UGGT1: variants seen among roughly 807,000 people sequenced by gnomAD.
UGGT1 encodes the protein UDP-glucose:glycoprotein glucosyltransferase 1.
In UGGT1, 107 loss-of-function variants were observed where a neutral mutation model predicts 203.9. The observed-to-expected ratio is 0.52, with a 90% CI of 0.45 to 0.62. The LOEUF (loss-of-function observed/expected upper bound fraction) is 0.62, where lower values mean the gene tolerates loss of function less well. Ranked by LOEUF, UGGT1 falls within the 20% of genes least tolerant of loss-of-function variation. The probability of loss-of-function intolerance (pLI) is 0.00; values close to 1 mark genes in which losing one functional copy is unlikely to be tolerated. For synonymous variants in UGGT1, 628 were observed against 653.5 expected (o/e 0.96, Z 0.59); for missense variants, 1,673 against 1,867.2 (o/e 0.90, Z 1.92).
chr2:128,173,362 C>G (rs192447437), intron 29 of UGGT1, among the ~76,000 whole-genome samples: 2 of 152,150 alleles, frequency 1.3e-5, no homozygotes, highest in Admixed American at 6.5e-5. Flanking sequence ...TCTACTGATA[C>G]GTGAGTACAG....
intron 22 of UGGT1, among the ~76,000 whole-genome samples, chr2:128,158,698 A>G (rs1259664470): frequency 6.6e-6 from 1 of 152,190 alleles, no homozygotes; most frequent in African/African-American, 2.4e-5. Flanking sequence ...ACCCAAATAT[A>G]AATGTCTGTT....
At chr2:128,163,376 T>G (rs1339045453) in intron 25 of UGGT1, among the ~76,000 whole-genome samples, 12 of 149,928 alleles carry the variant, frequency 8.0e-5, no homozygotes, top group African/African-American at 2.9e-4. Context: ...TTGGAGTGTT[T>G]TTTTTTTTTT....
At chr2:128,176,637 A>T (rs1691409190) in intron 31 of UGGT1, among the ~76,000 whole-genome samples, 177 bp from the exon 32 acceptor site, 1 of 152,156 alleles carries the variant, frequency 6.6e-6, no homozygotes, top group Non-Finnish European at 1.5e-5. Context: ...TGCACCTTAT[A>T]TAAAGAGAGG....
At chr2:128,121,157 A>G in intron 9 of UGGT1, 42 bp from the exon 10 acceptor site, 1 of 1,588,562 alleles carries the variant, frequency 6.3e-7, no homozygotes, top group South Asian at 1.1e-5. Context: ...TTCTCATTGC[A>G]TTAGATTAAT....
intron 38 of UGGT1, among the ~76,000 whole-genome samples, chr2:128,185,184 A>G (rs1425173018): frequency 6.7e-6 from 1 of 148,398 alleles, no homozygotes; most frequent in African/African-American, 2.5e-5. Flanking sequence ...ATCACCCAAC[A>G]GTATTTGTTT....
intron 10 of UGGT1, among the ~76,000 whole-genome samples, chr2:128,121,826 C>G (rs1415154839): frequency 6.6e-6 from 1 of 152,220 alleles, no homozygotes; most frequent in Middle Eastern, 3.2e-3. Context: ...GTTCTTAGCA[C>G]TTCCACTTAT....
At chr2:128,183,911 TG>T (rs1691839345) in intron 38 of UGGT1, 122 bp downstream of exon 38, 1 of 370,380 alleles carries the variant, frequency 2.7e-6, no homozygotes, top group Non-Finnish European at 5.1e-6. Flanking sequence ...TTTTTCATGG[TG>T]TGTGTGTGTG....
At chr2:128,169,862 A>T (rs1459901567) in intron 26 of UGGT1, among the ~76,000 whole-genome samples, 2 of 152,232 alleles carry the variant, frequency 1.3e-5, no homozygotes, top group Admixed American at 6.5e-5. Flanking sequence ...GTGGGCTGGG[A>T]TAGTGAATAT....
chr2:128,155,401 T>C, intron 19 of UGGT1, 88 bp from the exon 20 acceptor site: 1 of 974,894 alleles, frequency 1.0e-6, no homozygotes, highest in Non-Finnish European at 1.5e-6. Context: ...CTATAAATCT[T>C]ATATTATGAT....
intron 15 of UGGT1, among the ~76,000 whole-genome samples, chr2:128,138,364 A>G (rs1689241937): frequency 6.6e-6 from 1 of 152,196 alleles, no homozygotes; most frequent in Non-Finnish European, 1.5e-5. Flanking sequence ...TACTAAAAAT[A>G]CAAAAAATTA....
intron 31 of UGGT1, 77 bp from the exon 32 acceptor site, chr2:128,176,737 G>T: frequency 1.5e-6 from 2 of 1,325,864 alleles, no homozygotes; most frequent in South Asian, 1.2e-5. Flanking sequence ...AAGGATGATG[G>T]ACTCAGATGC....
chr2:128,170,442 T>C, intron 27 of UGGT1, 52 bp downstream of exon 27: 1 of 1,515,588 alleles, frequency 6.6e-7, no homozygotes, highest in Non-Finnish European at 9.2e-7. Context: ...AGTTGTCACA[T>C]GCTCTGAAAT....
intron 17 of UGGT1, among the ~76,000 whole-genome samples, chr2:128,145,097 G>C (rs1472851140): frequency 6.6e-6 from 1 of 152,284 alleles, no homozygotes; most frequent in East Asian, 1.9e-4. Context: ...GTGTCTTAGA[G>C]CAATTGTTGA....
At chr2:128,175,224 T>C (rs1691314256) in intron 31 of UGGT1, among the ~76,000 whole-genome samples, 1 of 150,872 alleles carries the variant, frequency 6.6e-6, no homozygotes, top group Non-Finnish European at 1.5e-5. Flanking sequence ...AGAGAGTGTA[T>C]GTGTTGACCC....
intron 29 of UGGT1, among the ~76,000 whole-genome samples, 166 bp downstream of exon 29, chr2:128,172,928 G>A (rs542519467): frequency 1.3e-5 from 2 of 152,172 alleles, no homozygotes; most frequent in African/African-American, 2.4e-5. Flanking sequence ...CCCCATTAAC[G>A]TGTACAGTTG....
At chr2:128,097,356 C>G in intron 1 of UGGT1, 73 bp from the exon 2 acceptor site, 1 of 1,524,432 alleles carries the variant, frequency 6.6e-7, no homozygotes, top group Non-Finnish European at 8.8e-7. Context: ...GCCTGGGCGA[C>G]AGGGCGAGAC....
chr2:128,155,901 A>C (rs1690205534), intron 20 of UGGT1, among the ~76,000 whole-genome samples: 1 of 152,262 alleles, frequency 6.6e-6, no homozygotes, highest in South Asian at 2.1e-4. Context: ...AAAATGGGTT[A>C]ATGAATTAAA....
intron 12 of UGGT1, 42 bp downstream of exon 12, chr2:128,127,494 G>A: frequency 7.2e-7 from 1 of 1,385,788 alleles, no homozygotes; most frequent in South Asian, 1.2e-5. Context: ...TTTTTGTAAT[G>A]CGTAGCACCT....
At chr2:128,185,723 A>T (rs1439964181) in intron 38 of UGGT1, among the ~76,000 whole-genome samples, 3 of 152,044 alleles carry the variant, frequency 2.0e-5, no homozygotes, top group African/African-American at 7.2e-5. Context: ...CGATCTACCC[A>T]CTTCAGCAGC....
Sources: gnomAD v4.1 joint callset for allele counts (sites outside exome capture counted in the v4.1 genomes callset) on GRCh38, gnomAD v4.1.1 for gene constraint, MANE v1.5 for transcripts, NCBI Gene and HGNC (gene_info 2026-07-23, HGNC 2026-07-21) for gene names.